The following RAD51B variants were observed in gnomAD, a reference collection of about 807,000 sequenced individuals.
RAD51B encodes the protein DNA repair protein RAD51 homolog 2.
A neutral mutation model predicts 42.2 loss-of-function variants in RAD51B; 38 were observed. That is an observed-to-expected ratio of 0.90 (90% CI 0.70 to 1.18). The LOEUF is 1.18. Among genes scored for constraint, RAD51B ranks in the 50% most tolerant of loss-of-function variants. The pLI is 0.00. For missense variants in RAD51B, 373 were observed against 400.7 expected (o/e 0.93, Z 0.59); for synonymous variants, 154 against 145.2 (o/e 1.06, Z -0.43).
At chr14:68,172,667 G>C (rs143086935) in intron 7 of RAD51B, among the ~76,000 whole-genome samples, 1 of 152,106 alleles carries the variant, frequency 6.6e-6, no homozygotes, top group Non-Finnish European at 1.5e-5. Flanking sequence ...CTTAAAGAAA[G>C]AGCTTAAGAG....
chr14:67,959,863 T>TG (rs1172043955), intron 7 of RAD51B, among the ~76,000 whole-genome samples: 1 of 152,130 alleles, frequency 6.6e-6, no homozygotes, highest in African/African-American at 2.4e-5. Flanking sequence ...GTGGATCACT[T>TG]GCGGTCAGGA....
At chr14:68,534,694 G>C (rs1887509302) in intron 10 of RAD51B, among the ~76,000 whole-genome samples, 1 of 152,028 alleles carries the variant, frequency 6.6e-6, no homozygotes, top group African/African-American at 2.4e-5. Context: ...GTGGATATTG[G>C]GTCAGATATT....
chr14:68,182,291 A>G (rs2079073345), intron 7 of RAD51B, among the ~76,000 whole-genome samples: 1 of 152,198 alleles, frequency 6.6e-6, no homozygotes, highest in Non-Finnish European at 1.5e-5. Context: ...TAAGCATTTC[A>G]GTTTGTTTCC....
chr14:68,373,941 T>C (rs1309573464), intron 8 of RAD51B, among the ~76,000 whole-genome samples: 3 of 152,246 alleles, frequency 2.0e-5, no homozygotes, highest in African/African-American at 7.2e-5. Flanking sequence ...GCTGAAACTC[T>C]GTAAGCCTTA....
intron 10 of RAD51B, among the ~76,000 whole-genome samples, chr14:68,635,472 A>G (rs958861812): frequency 5.9e-5 from 9 of 152,174 alleles, no homozygotes; most frequent in Admixed American, 3.3e-4. Context: ...GTCATTTTAA[A>G]TTTTCTGATA....
chr14:68,076,856 GA>G (rs758135219), intron 7 of RAD51B, among the ~76,000 whole-genome samples: 21 of 152,148 alleles, frequency 1.4e-4, no homozygotes, highest in South Asian at 6.2e-4. Context: ...AGAATTCAAG[GA>G]AATATTATAT....
At chr14:68,346,730 G>A (rs1416346189) in intron 8 of RAD51B, among the ~76,000 whole-genome samples, 2 of 152,134 alleles carry the variant, frequency 1.3e-5, no homozygotes, top group Admixed American at 1.3e-4. Context: ...CATACATACA[G>A]GGACCTCAAG....
chr14:67,876,244 A>G (rs560872046), intron 5 of RAD51B, among the ~76,000 whole-genome samples: 22 of 152,372 alleles, frequency 1.4e-4, no homozygotes, highest in African/African-American at 5.0e-4. Context: ...TTGAGAAGCA[A>G]TAAGCCTACA....
At chr14:67,881,303 G>A (rs573671474) in intron 5 of RAD51B, among the ~76,000 whole-genome samples, 1 of 152,324 alleles carries the variant, frequency 6.6e-6, no homozygotes, top group South Asian at 2.1e-4. Flanking sequence ...AATGCCCAGT[G>A]TATAATAAGG....
intron 4 of RAD51B, among the ~76,000 whole-genome samples, chr14:67,859,560 A>G (rs189007843): frequency 6.6e-6 from 1 of 152,366 alleles, no homozygotes; most frequent in Admixed American, 6.5e-5. Flanking sequence ...GGCTAACAAT[A>G]GTAGGAAGCC....
intron 4 of RAD51B, among the ~76,000 whole-genome samples, chr14:67,849,105 C>A (rs747752013): frequency 4.6e-5 from 7 of 152,186 alleles, no homozygotes; most frequent in Non-Finnish European, 1.0e-4. Flanking sequence ...ATATCTACAT[C>A]TCTAGCAATA....
intron 9 of RAD51B, among the ~76,000 whole-genome samples, chr14:68,438,006 T>A (rs543106046): frequency 6.6e-6 from 1 of 152,080 alleles, no homozygotes; most frequent in Non-Finnish European, 1.5e-5. Context: ...GAGCACTAAA[T>A]GTGTCTGTAC....
rs769705231 is a variant in RAD51B at position 68,411,510 on chromosome 14, G to A, written c.940G>A (p.Asp314Asn). 8 of 1,613,964 alleles carry A rather than the reference G, an allele frequency of 5.0e-6. No homozygotes were observed. Among genetic ancestry groups the A allele is most frequent in the Non-Finnish European group, 4.2e-6 (5 of 1,179,874 alleles). ...TACCCGGCTGATCCTCCAGTACCTT[G>A]ATTCAGAGAGAAGACAGGTGGGTGC... ...VNTRLILQYL[D>N]SERRQILIAK... The change falls in exon 9 of 11, where the codon GAT becomes AAT. Residue 314 changes from aspartate (D) to asparagine (N), a missense_variant. Coordinates refer to ENST00000471583, the MANE Select transcript of RAD51B (RefSeq NM_133510.4).
intron 7 of RAD51B, among the ~76,000 whole-genome samples, chr14:68,269,194 G>A (rs542388186): frequency 1.1e-4 from 17 of 152,342 alleles, no homozygotes; most frequent in African/African-American, 3.4e-4. Context: ...CTTCATGGGA[G>A]GATTAAATGT....
chr14:68,422,069 T>C, intron 9 of RAD51B: 1 of 1,526,872 alleles, frequency 6.5e-7, no homozygotes, highest in Non-Finnish European at 9.1e-7. Flanking sequence ...AAATCCTTTC[T>C]CTCCAGTGCT....
At chr14:68,545,339 A>C (rs1888167106) in intron 10 of RAD51B, among the ~76,000 whole-genome samples, 1 of 152,154 alleles carries the variant, frequency 6.6e-6, no homozygotes, top group South Asian at 2.1e-4. Flanking sequence ...TTTTCCACCC[A>C]AATATTATGG....
At chr14:68,364,055 ATC>A (rs2083088337) in intron 8 of RAD51B, among the ~76,000 whole-genome samples, 2 of 152,130 alleles carry the variant, frequency 1.3e-5, no homozygotes. Context: ...CGAAGGAAGT[ATC>A]TGCTGCTGAG....
chr14:68,474,615 C>T (rs1042872605), intron 10 of RAD51B, among the ~76,000 whole-genome samples: 1 of 152,208 alleles, frequency 6.6e-6, no homozygotes, highest in Non-Finnish European at 1.5e-5. Context: ...TCAGCCTGGG[C>T]TCCTAAGATT....
chr14:68,492,467 A>G (rs566086237), intron 10 of RAD51B, among the ~76,000 whole-genome samples: 2 of 152,354 alleles, frequency 1.3e-5, no homozygotes, highest in Admixed American at 1.3e-4. Flanking sequence ...AGTCCAGGAT[A>G]TAACATCAAT....
Sources: allele counts gnomAD v4.1 joint callset (sites outside exome capture counted in the v4.1 genomes callset), GRCh38; gene constraint gnomAD v4.1.1; transcripts MANE v1.5; gene names NCBI Gene and HGNC (gene_info 2026-07-23, HGNC 2026-07-21).